CREBBP: variants seen among roughly 807,000 people sequenced by gnomAD.
CREBBP encodes CREB-binding protein.
A neutral mutation model predicts 265.0 loss-of-function variants in CREBBP; 19 were observed. The observed-to-expected ratio is 0.07, with a 90% CI of 0.05 to 0.11. CREBBP has a LOEUF of 0.11. Ranked by LOEUF, CREBBP falls within the 10% of genes least tolerant of loss-of-function variation. CREBBP has a pLI of 1.00. For missense variants in CREBBP, 2,525 were observed against 3,219.0 expected, an observed-to-expected ratio of 0.78 and a Z score of 5.22; for synonymous variants, 1,457 against 1,223.7, an observed-to-expected ratio of 1.19 and a Z score of -3.98.
At chr16:3,851,830 C>T (rs1238233650) in intron 1 of CREBBP, among the ~76,000 whole-genome samples, 5 of 111,884 alleles carry the variant, frequency 4.5e-5, no homozygotes, top group African/African-American at 1.1e-4. Flanking sequence ...GTCCGCAGTC[C>T]GACCTGGGCG....
intron 2 of CREBBP, among the ~76,000 whole-genome samples, chr16:3,822,001 G>T (rs1314922758): frequency 1.3e-5 from 2 of 152,158 alleles, no homozygotes; most frequent in Non-Finnish European, 2.9e-5. Context: ...GTTGCAGTGA[G>T]CCAAGATTGC....
At chr16:3,782,590 CA>C in intron 6 of CREBBP, 93 bp downstream of exon 6, 1 of 1,520,472 alleles carries the variant, frequency 6.6e-7, no homozygotes, top group Non-Finnish European at 8.9e-7. Flanking sequence ...GTAAAAAACA[CA>C]AAACAAACTG....
At chr16:3,753,880 G>A (rs1042525965) in intron 19 of CREBBP, among the ~76,000 whole-genome samples, 3 of 152,150 alleles carry the variant, frequency 2.0e-5, no homozygotes, top group African/African-American at 7.2e-5. Context: ...AACTCCCACC[G>A]TAATCACAGG....
chr16:3,766,528 CTCTTTTTTTTTT>C (rs2052856708), intron 16 of CREBBP, among the ~76,000 whole-genome samples: 1 of 151,274 alleles, frequency 6.6e-6, no homozygotes, highest in African/African-American at 2.4e-5. Context: ...AAAAATTTTT[CTCTTTTTTTTTT>C]TCAGACAACA....
chr16:3,771,001 C>CAG lies in CREBBP; in HGVS notation c.2464-17_2464-16dup. 1.2e-6 allele frequency: 2 copies of CAG among 1,612,322 alleles called. No homozygotes were observed. Among genetic ancestry groups the CAG allele is most frequent in the Non-Finnish European group, 1.7e-6 (2 of 1,179,516 alleles). On this transcript the variant is annotated splice_polypyrimidine_tract_variant and intron_variant, in intron 13 of 30. Transcript: ENST00000262367. The stretch of plus-strand genomic sequence containing the variant: ...GGCACCTGTCCCTACCAGAAATGGA[C>CAG]AGAGTATGGTAAAATTATTTCCCCC...
Position 3,727,636 on chromosome 16 carries a change from G to T in CREBBP, c.*82C>A, listed in dbSNP as rs565641940. On this transcript the variant is annotated 3_prime_UTR_variant, in exon 31 of 31. Transcript: ENST00000262367. ...GCTCGGAAGTCGCAGTTCCATCTAG[G>T]AATAAAAAGAACCTAGATGCCTGGA... The T allele has an allele frequency of 1.9e-6, 3 of 1,611,674 alleles. No homozygotes were observed. Among genetic ancestry groups the T allele is most frequent in the South Asian group, 2.2e-5 (2 of 90,686 alleles).
At chr16:3,878,051 A>G (rs2055440292) in intron 1 of CREBBP, among the ~76,000 whole-genome samples, 1 of 152,262 alleles carries the variant, frequency 6.6e-6, no homozygotes, top group South Asian at 2.1e-4. Flanking sequence ...CTGGATGTAC[A>G]TATAAGGACA....
At chr16:3,733,493 G>A (rs1188743021) in intron 28 of CREBBP, among the ~76,000 whole-genome samples, 2 of 152,120 alleles carry the variant, frequency 1.3e-5, no homozygotes, top group African/African-American at 2.4e-5. Flanking sequence ...GGAACGAAGT[G>A]TAGACTTAAC....
chr16:3,789,299 C>A (rs183112311), intron 5 of CREBBP, among the ~76,000 whole-genome samples: 1 of 152,292 alleles, frequency 6.6e-6, no homozygotes, highest in East Asian at 1.9e-4. Flanking sequence ...TGCACAGGAA[C>A]CCCAGTCCAG....
chr16:3,879,749 G>A (rs2055485601), intron 1 of CREBBP, 83 bp downstream of exon 1: 4 of 1,431,100 alleles, frequency 2.8e-6, no homozygotes, highest in Admixed American at 2.0e-5. Flanking sequence ...ATCGGTATCC[G>A]CGACCACGAC....
chr16:3,731,988 G>A lies in CREBBP; in HGVS notation c.4729-51C>T, dbSNP rs760292807. 6 of 1,613,464 alleles carry A rather than the reference G, an allele frequency of 3.7e-6. No individual in the cohort carries two copies. Among genetic ancestry groups the A allele is most frequent in the Non-Finnish European group, 5.1e-6 (6 of 1,180,014 alleles). On this transcript the variant is annotated intron_variant, in intron 28 of 30. Coordinates refer to ENST00000262367, the MANE Select transcript of CREBBP (RefSeq NM_004380.3). The surrounding 1 kb of genome is among the most constrained non-coding windows in gnomAD (Gnocchi z 7.7). ...ACCAGGCAAGTGCCCCTCCACACTTGGCACGGACGCCCAGCTCCCAGGCCG... is the reference window on the plus strand; with the variant it reads ...ACCAGGCAAGTGCCCCTCCACACTTAGCACGGACGCCCAGCTCCCAGGCCG...
intron 2 of CREBBP, among the ~76,000 whole-genome samples, chr16:3,811,350 C>T (rs1399900987): frequency 6.6e-6 from 1 of 152,180 alleles, no homozygotes; most frequent in Non-Finnish European, 1.5e-5. Flanking sequence ...CCTCTTCAAA[C>T]TCCTCAGCCT....
At chr16:3,845,289 CTG>C (rs1303782119) in intron 2 of CREBBP, among the ~76,000 whole-genome samples, 2 of 152,102 alleles carry the variant, frequency 1.3e-5, no homozygotes, top group Non-Finnish European at 2.9e-5. Context: ...TGAGAACCAC[CTG>C]TGTGAGAAAT....
chr16:3,771,183 C>T (rs558755954), intron 13 of CREBBP, among the ~76,000 whole-genome samples, 197 bp from the exon 14 acceptor site: 1 of 152,214 alleles, frequency 6.6e-6, no homozygotes, highest in East Asian at 1.9e-4. Flanking sequence ...ATTCTCCTGT[C>T]TCAGCTTCTC....
intron 30 of CREBBP, 37 bp from the exon 31 acceptor site, chr16:3,729,911 T>C (rs1271988919): frequency 1.9e-6 from 3 of 1,596,430 alleles, no homozygotes; most frequent in East Asian, 2.2e-5. Flanking sequence ...GGTGTCAGCA[T>C]GGGACCCAGT....
At position 3,774,664 on chromosome 16, in the gene CREBBP, C is replaced by T; in HGVS notation, c.2188G>A (p.Gly730Arg). The change falls in exon 12 of 31, where the codon GGG becomes AGG. Residue 730 changes from glycine to arginine, a missense_variant. Physicochemically the swap from Gly to Arg is moderately radical, Grantham distance 125 (BLOSUM62 -2). Transcript: ENST00000262367. ...GGTGCTTGTGGCAACTGGACGTTCC[C>T]CAAGGACATGGGGTTAAATGAATTC... ...GMNSFNPMSL[G>R]NVQLPQAPMG... 6 of 1,614,100 alleles carry T rather than the reference C, an allele frequency of 3.7e-6. No individual in the cohort carries two copies. Among genetic ancestry groups the T allele is most frequent in the Non-Finnish European group, 4.2e-6 (5 of 1,180,022 alleles).
intron 5 of CREBBP, among the ~76,000 whole-genome samples, chr16:3,787,070 C>CAAAAAAAAAAAAAAAAAAA (rs757962926): frequency 5.5e-4 from 48 of 86,962 alleles, no homozygotes; most frequent in East Asian, 9.7e-4. Flanking sequence ...GACTTCGTCT[C>CAAAAAAAAAAAAAAAAAAA]AAAAAAAAAA....
At chr16:3,786,255 AC>A (rs2053384745) in intron 5 of CREBBP, among the ~76,000 whole-genome samples, 2 of 152,210 alleles carry the variant, frequency 1.3e-5, no homozygotes, top group Admixed American at 6.5e-5. Context: ...CATCTCAGCT[AC>A]TTGGGAGGCT....
At chr16:3,861,974 G>C (rs973462202) in intron 1 of CREBBP, among the ~76,000 whole-genome samples, 5 of 152,210 alleles carry the variant, frequency 3.3e-5, no homozygotes, top group South Asian at 2.1e-4. Context: ...GAGCTCGGCC[G>C]GCAGCCCCCA....
Sources: gnomAD v4.1 joint callset for allele counts (sites outside exome capture counted in the v4.1 genomes callset) on GRCh38, gnomAD v4.1.1 for gene constraint, Gnocchi (gnomAD v3.1) non-coding constraint, MANE v1.5 for transcripts, NCBI Gene and HGNC (gene_info 2026-07-23, HGNC 2026-07-21) for gene names.